The following FER1L6 variants were observed in gnomAD, a reference collection of about 807,000 sequenced individuals.
FER1L6 encodes the protein fer-1 like family member 6, also known as fer-1-like protein 6.
A neutral mutation model predicts 219.2 loss-of-function variants in FER1L6; 177 were observed. The ratio of observed to expected loss-of-function variants is 0.81; its 90% confidence interval spans 0.71 to 0.91. FER1L6 has a LOEUF of 0.91. Among genes scored for constraint, FER1L6 ranks in the 40% least tolerant of loss-of-function variants. The pLI is 0.00. For missense variants in FER1L6, 2,153 were observed against 2,259.9 expected, an observed-to-expected ratio of 0.95 and a Z score of 0.96; for synonymous variants, 768 against 824.3, an observed-to-expected ratio of 0.93 and a Z score of 1.17.
chr8:124,045,996 C>A, intron 21 of FER1L6, 95 bp downstream of exon 21: 1 of 1,471,582 alleles, frequency 6.8e-7, no homozygotes, highest in Non-Finnish European at 9.2e-7. Context: ...AGTCCTGACG[C>A]TGTGAGTGGT....
In FER1L6 at chr8:123,906,446, C is replaced by T. The variant is rs563361286; in HGVS notation, c.-7-49546C>T. Among the ~76,000 whole-genome samples the T allele has an allele frequency of 1.3e-3, 194 of 152,202 alleles. 8 individuals are homozygous for T. The South Asian group carries it at 0.04, about 31-fold the overall frequency. On this transcript the variant is annotated intron_variant, in intron 1 of 40. Coordinates refer to ENST00000522917, the MANE Select transcript of FER1L6 (RefSeq NM_001039112.2). ...CTTTAGATACCCTACATCCTTTCTC[C>T]CATGTTTAGTGTTTGACAACAACAA...
intron 12 of FER1L6, among the ~76,000 whole-genome samples, chr8:123,994,451 G>T (rs1817030460): frequency 6.6e-6 from 1 of 152,120 alleles, no homozygotes; most frequent in Non-Finnish European, 1.5e-5. Context: ...AGGAGTGGGG[G>T]GTAGCATGCA....
At chr8:123,979,629 C>T (rs1352061694) in intron 10 of FER1L6, among the ~76,000 whole-genome samples, 2 of 152,150 alleles carry the variant, frequency 1.3e-5, no homozygotes, top group Admixed American at 1.3e-4. Context: ...AAGTTCAAAT[C>T]ATCAGGTCTT....
intron 29 of FER1L6, among the ~76,000 whole-genome samples, chr8:124,069,929 C>T (rs1820996278): frequency 6.6e-6 from 1 of 152,026 alleles, no homozygotes; most frequent in South Asian, 2.1e-4. Flanking sequence ...ATATAGATAA[C>T]CAACTTGGGT....
At chr8:123,881,755 C>A (rs190459752) in intron 1 of FER1L6, among the ~76,000 whole-genome samples, 2 of 152,280 alleles carry the variant, frequency 1.3e-5, no homozygotes, top group East Asian at 3.9e-4. Flanking sequence ...GGAGAAGAGA[C>A]AATTTCTTCC....
chr8:123,869,712 G>T (rs951394859), intron 1 of FER1L6, among the ~76,000 whole-genome samples: 6 of 152,088 alleles, frequency 3.9e-5, no homozygotes, highest in African/African-American at 1.4e-4. Context: ...ATATAAAAAG[G>T]CAAAAGAATT....
In FER1L6 at chr8:124,023,540, C is replaced by T; in HGVS notation, c.2230C>T (p.Pro744Ser). Residue 744 changes from proline (P) to serine (S), a missense_variant, in exon 18 of 41, where the codon CCT (proline) becomes TCT (serine). Physicochemically the swap from Pro to Ser is moderately conservative, Grantham distance 74. Transcript: ENST00000522917. ...RIASKDLLYS[P>S]VAGQMGKHCG... Reference sequence around the variant, plus strand: ...CGCCTCCAAAGACCTCCTCTATTCCCCTGTCGCGGGGCAGATGGGCAAACA... The same window carrying T: ...CGCCTCCAAAGACCTCCTCTATTCCTCTGTCGCGGGGCAGATGGGCAAACA... 6.2e-7 allele frequency: 1 copy of T among 1,614,174 alleles called. No homozygotes were observed. Among genetic ancestry groups the T allele is most frequent in the Non-Finnish European group, 8.5e-7 (1 of 1,180,018 alleles).
intron 26 of FER1L6, 42 bp downstream of exon 26, chr8:124,064,615 A>G: frequency 1.3e-6 from 2 of 1,563,212 alleles, no homozygotes; most frequent in Non-Finnish European, 1.7e-6. Context: ...GGCTCATTGG[A>G]GTTTGCATTG....
At chr8:124,048,790 A>G (rs1242552282) in intron 21 of FER1L6, among the ~76,000 whole-genome samples, 2 of 152,240 alleles carry the variant, frequency 1.3e-5, no homozygotes, top group Non-Finnish European at 2.9e-5. Flanking sequence ...CCAAGGGCAT[A>G]GAACTAGACA....
intron 22 of FER1L6, among the ~76,000 whole-genome samples, chr8:124,057,441 GCA>G (rs768881364): frequency 1.2e-4 from 18 of 152,022 alleles, no homozygotes; most frequent in Non-Finnish European, 2.5e-4. Context: ...TTGTAATAAA[GCA>G]CAGTTTTGTT....
intron 12 of FER1L6, among the ~76,000 whole-genome samples, chr8:123,994,252 T>C (rs554899568): frequency 7.2e-5 from 11 of 152,208 alleles, no homozygotes; most frequent in Admixed American, 1.3e-4. Flanking sequence ...TGTGTTATGT[T>C]ATCAGTGTGG....
intron 1 of FER1L6, among the ~76,000 whole-genome samples, chr8:123,912,354 T>C (rs1266160157): frequency 6.6e-6 from 1 of 152,144 alleles, no homozygotes; most frequent in Non-Finnish European, 1.5e-5. Context: ...TGTTTGATGA[T>C]GCCAAAGCTG....
intron 31 of FER1L6, among the ~76,000 whole-genome samples, chr8:124,075,392 G>A (rs879496372): frequency 7.2e-5 from 11 of 152,144 alleles, no homozygotes; most frequent in Non-Finnish European, 1.5e-4. Context: ...ATATCACTGT[G>A]TTCTACCTCC....
At chr8:124,034,351 T>A (rs1819108889) in intron 18 of FER1L6, among the ~76,000 whole-genome samples, 1 of 152,098 alleles carries the variant, frequency 6.6e-6, no homozygotes, top group South Asian at 2.1e-4. Context: ...AGTACCCTTA[T>A]CCTGGTGACT....
chr8:123,883,279 C>A (rs1012458167), intron 1 of FER1L6, among the ~76,000 whole-genome samples: 6 of 152,072 alleles, frequency 3.9e-5, no homozygotes, highest in African/African-American at 7.2e-5. Context: ...AGGAGATGCT[C>A]CATGGATGTT....
In FER1L6 at chr8:123,951,186, A is replaced by G. The variant is rs555983856; in HGVS notation, c.-7-4806A>G. Among the ~76,000 whole-genome samples the G allele has an allele frequency of 6.6e-5, 10 of 152,278 alleles. No homozygotes were observed. In the East Asian group the frequency reaches 1.7e-3, roughly 26 times the overall value. On this transcript the variant is annotated intron_variant, in intron 1 of 40. Coordinates refer to ENST00000522917, the MANE Select transcript of FER1L6 (RefSeq NM_001039112.2). ...TGTAAACCTGTGGCACATTAGAATC[A>G]CCAGGGGAGCTCAAAAACCACCGAG...
intron 20 of FER1L6, among the ~76,000 whole-genome samples, chr8:124,044,401 T>C (rs1819632445): frequency 6.6e-6 from 1 of 152,196 alleles, no homozygotes; most frequent in African/African-American, 2.4e-5. Context: ...ATTGTGAAAA[T>C]GCACAATATT....
chr8:123,925,652 A>G (rs1813535600), intron 1 of FER1L6: 1 of 152,220 alleles, frequency 6.6e-6, no homozygotes, highest in South Asian at 2.1e-4. Context: ...GTGTACATAA[A>G]TAGAAGTTTC....
At chr8:124,016,811 C>T (rs778409153) in intron 15 of FER1L6, among the ~76,000 whole-genome samples, 3 of 152,152 alleles carry the variant, frequency 2.0e-5, no homozygotes, top group Admixed American at 6.5e-5. Context: ...AACAGTGCTA[C>T]AATACATATG....
Sources: allele counts gnomAD v4.1 joint callset (sites outside exome capture counted in the v4.1 genomes callset), GRCh38; gene constraint gnomAD v4.1.1; transcripts MANE v1.5; gene names NCBI Gene and HGNC (gene_info 2026-07-23, HGNC 2026-07-21).